UBE2E1: variants seen among roughly 807,000 people sequenced by gnomAD.
The protein encoded by UBE2E1 is ubiquitin conjugating enzyme E2 E1, also known as ubiquitin-conjugating enzyme E2 E1.
Under a neutral mutation model 21.4 loss-of-function variants are expected in UBE2E1, and 6 were observed. That is an observed-to-expected ratio of 0.28 (90% CI 0.15 to 0.55). The LOEUF is 0.55. UBE2E1 is among the 20% of genes least tolerant of loss of function. The pLI, the probability that UBE2E1 is intolerant of heterozygous loss-of-function variation, is 0.93. For synonymous variants in UBE2E1, 87 were observed against 82.7 expected, an observed-to-expected ratio of 1.05 and a Z score of -0.28; for missense variants, 142 against 236.5, an observed-to-expected ratio of 0.60 and a Z score of 2.62.
intron 2 of UBE2E1, chr3:23,811,146 G>A: frequency 2.5e-6 from 1 of 401,068 alleles, no homozygotes; most frequent in Non-Finnish European, 4.5e-6. Context: ...TGAGGAAACC[G>A]GTCGGCAAGT....
chr3:23,857,518 A>G (rs1368654748), intron 3 of UBE2E1, among the ~76,000 whole-genome samples: 1 of 152,198 alleles, frequency 6.6e-6, no homozygotes, highest in African/African-American at 2.4e-5. Context: ...CAAAACATAC[A>G]CTTTTGGGTT....
intron 4 of UBE2E1, chr3:23,888,276 AGTCACCCATCTCCT>A (rs1559496720): frequency 2.2e-6 from 1 of 457,140 alleles, no homozygotes; most frequent in South Asian, 1.5e-5. Context: ...GGATTGCCCA[AGTCACCCATCTCCT>A]GTACTCAATC....
rs557547170 is a variant in UBE2E1, at chr3:23,816,291, C to T, written c.203+4781C>T. On this transcript the variant is annotated intron_variant, in intron 3 of 5. Transcript: ENST00000306627. This position sits in a 1 kb window ranked among gnomAD's most constrained non-coding sequence, Gnocchi z 4.8. The stretch of plus-strand genomic sequence containing the variant: ...CATAGTAGCCAAAAAGTGGAAAAAA[C>T]CCAAGTGTCTGTCAACAGATGAGTG... 6.6e-6 allele frequency among the ~76,000 whole-genome samples: 1 copy of T among 152,200 alleles called. No homozygotes were observed. Among genetic ancestry groups the T allele is most frequent in the Non-Finnish European group, 1.5e-5 (1 of 68,006 alleles).
In UBE2E1 at chr3:23,825,479, T is replaced by C. The variant is rs1301098178; in HGVS notation, c.203+13969T>C. Among the ~76,000 whole-genome samples the C allele has an allele frequency of 2.6e-5, 4 of 152,194 alleles. No homozygotes were observed. In the East Asian group the frequency reaches 5.8e-4, roughly 22 times the overall value. ...AAAAAAGACACTGTCTCTGTGCTCA[T>C]GGAGATTTTATTCATATAGAGGGAG... On this transcript the variant is annotated intron_variant, in intron 3 of 5. Coordinates refer to ENST00000306627, the MANE Select transcript of UBE2E1 (RefSeq NM_003341.5).
In UBE2E1 at chr3:23,856,747, G is replaced by T. The variant is rs564657112; in HGVS notation, c.204-30820G>T. Among the ~76,000 whole-genome samples, 7 of 152,256 alleles carry T rather than the reference G, an allele frequency of 4.6e-5. 1 individual carries two copies. In the South Asian group the frequency reaches 1.0e-3, roughly 23 times the overall value. ...AAAGCGCTTTAGAAAAGTGAGAGGG[G>T]AGTTCAGAGGTTAGAGGGGAATCAG... On this transcript the variant is annotated intron_variant, in intron 3 of 5. Coordinates refer to ENST00000306627, the MANE Select transcript of UBE2E1 (RefSeq NM_003341.5).
rs893294478 is a variant in UBE2E1 at position 23,810,573 on chromosome 3, A to C, written c.153-887A>C. 6.6e-7 allele frequency: 1 copy of C among 1,511,074 alleles called. No individual in the cohort carries two copies. Among genetic ancestry groups the C allele is most frequent in the African/African-American group, 1.4e-5 (1 of 72,386 alleles). The allele number at this position is 1,511,074 out of a possible 1,614,324, so 93.6% of individuals were successfully genotyped here. ...GAGTCCCGGCCAGCGTGCGGGGCGG[A>C]GGCAGGGTCCGGTGCACCTGTGCGG... On this transcript the variant is annotated intron_variant, in intron 2 of 5. Transcript: ENST00000306627. The surrounding 1 kb of genome is among the most constrained non-coding windows in gnomAD (Gnocchi z 5.8).
At chr3:23,878,931 T>C (rs769183083) in intron 3 of UBE2E1, 27 of 374,956 alleles carry the variant, frequency 7.2e-5, no homozygotes, top group South Asian at 1.5e-4. Context: ...TGTGGAAAAA[T>C]TGTCTTCCAC....
At chr3:23,831,639 C>T (rs768635538) in intron 3 of UBE2E1, among the ~76,000 whole-genome samples, 1 of 151,204 alleles carries the variant, frequency 6.6e-6, no homozygotes, top group Non-Finnish European at 1.5e-5. Context: ...CCACCTTAGC[C>T]TCCTAAGTAG....
At chr3:23,833,361 C>T (rs1699907954) in intron 3 of UBE2E1, among the ~76,000 whole-genome samples, 1 of 152,142 alleles carries the variant, frequency 6.6e-6, no homozygotes, top group Non-Finnish European at 1.5e-5. Flanking sequence ...TAGACCTTCC[C>T]ACTAGGGAAG....
At chr3:23,888,556 G>T (rs748703408) in intron 4 of UBE2E1, among the ~76,000 whole-genome samples, 5 of 152,114 alleles carry the variant, frequency 3.3e-5, no homozygotes, top group African/African-American at 4.8e-5. Context: ...ATGGACACTC[G>T]ATTATATAAT....
intron 3 of UBE2E1, among the ~76,000 whole-genome samples, chr3:23,851,886 G>C (rs534037622): frequency 5.9e-5 from 9 of 152,218 alleles, no homozygotes; most frequent in Non-Finnish European, 8.8e-5. Flanking sequence ...AGCATTGGAG[G>C]TGGGGCCTGG....
At chr3:23,864,441 ATTG>A (rs1181105561) in intron 3 of UBE2E1, among the ~76,000 whole-genome samples, 2 of 151,948 alleles carry the variant, frequency 1.3e-5, no homozygotes, top group African/African-American at 4.8e-5. Flanking sequence ...TGGTCCTTTA[ATTG>A]TTGTATCTTT....
At chr3:23,819,714 A>G (rs924209931) in intron 3 of UBE2E1, among the ~76,000 whole-genome samples, 1 of 152,174 alleles carries the variant, frequency 6.6e-6, no homozygotes, top group African/African-American at 2.4e-5. Flanking sequence ...TTGCTGGGGA[A>G]ATTGCTGTCA....
intron 3 of UBE2E1, among the ~76,000 whole-genome samples, chr3:23,852,069 C>G (rs1251656083): frequency 1.3e-5 from 2 of 152,216 alleles, no homozygotes; most frequent in Non-Finnish European, 2.9e-5. Flanking sequence ...CATGCCTGCT[C>G]TCCCTTCATC....
At position 23,807,408 on chromosome 3, in the gene UBE2E1, A is replaced by G. The variant is rs777873920; in HGVS notation, c.139A>G (p.Thr47Ala). Residue 47 changes from threonine (T) to alanine (A), a missense_variant, in exon 2 of 6, where the codon ACC becomes GCC. Thr to Ala is a moderately conservative substitution (Grantham distance 58). This residue lies in a region of UBE2E1 where 87 missense variants were observed against 184.9 expected (regional missense o/e 0.47). Coordinates refer to ENST00000306627, the MANE Select transcript of UBE2E1 (RefSeq NM_003341.5). Reference sequence around the variant, plus strand: ...GAGCAAAAACTCCAAACTCCTCTCCACCAGCGCCAAGAGGTACTGTGCTCT... The same window carrying G: ...GAGCAAAAACTCCAAACTCCTCTCCGCCAGCGCCAAGAGGTACTGTGCTCT... ...SMSKNSKLLS[T>A]SAKRIQKELA... is the part of the protein sequence containing the mutation. The G allele has an allele frequency of 6.2e-7, 1 of 1,611,724 alleles. No homozygotes were observed.
At chr3:23,880,369 G>GC (rs1189326572) in intron 3 of UBE2E1, among the ~76,000 whole-genome samples, 13 of 152,164 alleles carry the variant, frequency 8.5e-5, no homozygotes, top group Non-Finnish European at 1.5e-4. Flanking sequence ...GATGACACAA[G>GC]CGAAGCTCTG....
At chr3:23,837,546 T>C (rs1188992827) in intron 3 of UBE2E1, among the ~76,000 whole-genome samples, 2 of 152,250 alleles carry the variant, frequency 1.3e-5, no homozygotes, top group African/African-American at 4.8e-5. Context: ...CAGTCCAACT[T>C]GCTATGTGTT....
intron 3 of UBE2E1, among the ~76,000 whole-genome samples, chr3:23,860,854 T>C (rs1700539561): frequency 6.6e-6 from 1 of 152,250 alleles, no homozygotes; most frequent in Admixed American, 6.5e-5. Context: ...ACTAGGGATG[T>C]AACTAATGGT....
At chr3:23,821,776 G>C (rs778432638) in intron 3 of UBE2E1, among the ~76,000 whole-genome samples, 35 of 152,182 alleles carry the variant, frequency 2.3e-4, no homozygotes, top group Non-Finnish European at 3.2e-4. Context: ...GTGTGTGGTG[G>C]GTGGCAGGGG....
Sources: gnomAD v4.1 joint callset for allele counts (sites outside exome capture counted in the v4.1 genomes callset) on GRCh38, gnomAD v4.1.1 for gene constraint, gnomAD v4.1.1 regional missense constraint, Gnocchi (gnomAD v3.1) non-coding constraint, MANE v1.5 for transcripts, NCBI Gene and HGNC (gene_info 2026-07-23, HGNC 2026-07-21) for gene names.